The following NR3C1 variants were observed in gnomAD, a reference collection of about 807,000 sequenced individuals.
NR3C1 encodes the protein nuclear receptor subfamily 3 group C member 1, also known as glucocorticoid receptor.
Under a neutral mutation model 74.0 loss-of-function variants are expected in NR3C1, and 14 were observed. The ratio of observed to expected loss-of-function variants is 0.19; its 90% CI spans 0.12 to 0.30. NR3C1 has a LOEUF of 0.30. Ranked by LOEUF, NR3C1 falls within the 10% of genes least tolerant of loss-of-function variation. NR3C1 has a pLI of 1.00. For missense variants in NR3C1, 695 were observed against 909.8 expected (o/e 0.76, Z 3.04); for synonymous variants, 308 against 332.5 (o/e 0.93, Z 0.80).
intron 1 of NR3C1, among the ~76,000 whole-genome samples, chr5:143,411,729 A>G (rs1319228074): frequency 2.6e-5 from 4 of 152,206 alleles, no homozygotes; most frequent in African/African-American, 9.6e-5. Flanking sequence ...TGTAAAAATT[A>G]TAAAACACAT....
chr5:143,357,139 T>G (rs1312565077), intron 2 of NR3C1, among the ~76,000 whole-genome samples: 1 of 152,202 alleles, frequency 6.6e-6, no homozygotes, highest in Non-Finnish European at 1.5e-5. Flanking sequence ...TGTAAATAGG[T>G]TGAAAGTTAC....
intron 2 of NR3C1, among the ~76,000 whole-genome samples, chr5:143,337,346 T>C (rs930826875): frequency 1.3e-5 from 2 of 152,184 alleles, no homozygotes; most frequent in Non-Finnish European, 2.9e-5. Flanking sequence ...AAATTAAACA[T>C]TTGACAATAA....
chr5:143,338,506 G>A (rs1209142308), intron 2 of NR3C1, among the ~76,000 whole-genome samples: 1 of 152,044 alleles, frequency 6.6e-6, no homozygotes, highest in African/African-American at 2.4e-5. Flanking sequence ...TGATGACACT[G>A]ACTTTGTATA....
At chr5:143,434,536 C>T in exon 1 of NR3C1, 1 of 985,364 alleles carries the variant, frequency 1.0e-6, no homozygotes, top group African/African-American at 1.7e-5. Flanking sequence ...ACCTACCTTC[C>T]TTCTCAGACA....
chr5:143,401,913 G>C (rs1450209414), intron 1 of NR3C1, among the ~76,000 whole-genome samples: 1 of 152,192 alleles, frequency 6.6e-6, no homozygotes, highest in African/African-American at 2.4e-5. Flanking sequence ...ATTCTCAAGA[G>C]AGTAAGACTG....
At chr5:143,299,376 T>C (rs1818005497) in intron 5 of NR3C1, among the ~76,000 whole-genome samples, 1 of 149,992 alleles carries the variant, frequency 6.7e-6, no homozygotes, top group African/African-American at 2.4e-5. Flanking sequence ...TTTTGTCACC[T>C]CTGTCTGCTT....
chr5:143,293,529 TA>T (rs1397550954), intron 7 of NR3C1, among the ~76,000 whole-genome samples: 2 of 152,170 alleles, frequency 1.3e-5, no homozygotes, highest in African/African-American at 4.8e-5. Context: ...GAAATCATTT[TA>T]AAAAAGATTA....
chr5:143,393,634 C>T (rs530856869), intron 2 of NR3C1, among the ~76,000 whole-genome samples: 3 of 152,082 alleles, frequency 2.0e-5, no homozygotes, highest in South Asian at 4.2e-4. Flanking sequence ...AACATTAAAA[C>T]GATAACATAA....
At chr5:143,363,578 A>G (rs1832669761) in intron 2 of NR3C1, among the ~76,000 whole-genome samples, 2 of 48,656 alleles carry the variant, frequency 4.1e-5, no homozygotes, top group South Asian at 6.3e-4. Flanking sequence ...ATCTCCAAAA[A>G]AATAAAAAAA....
chr5:143,419,051 G>C (rs965555979), intron 1 of NR3C1, among the ~76,000 whole-genome samples: 2 of 152,138 alleles, frequency 1.3e-5, no homozygotes, highest in African/African-American at 2.4e-5. Context: ...AAAGCTTTTT[G>C]AGTGCTATCA....
chr5:143,337,616 A>T (rs1019017197), intron 2 of NR3C1, among the ~76,000 whole-genome samples: 5 of 152,256 alleles, frequency 3.3e-5, no homozygotes, highest in Non-Finnish European at 7.3e-5. Flanking sequence ...AAACATCCAT[A>T]TATCTTATCT....
At chr5:143,344,382 G>A (rs1828821575) in intron 2 of NR3C1, among the ~76,000 whole-genome samples, 1 of 152,064 alleles carries the variant, frequency 6.6e-6, no homozygotes, top group Admixed American at 6.6e-5. Flanking sequence ...TAGTTATTAT[G>A]GTCTAAGTAC....
chr5:143,384,389 T>C (rs1019449511), intron 2 of NR3C1, among the ~76,000 whole-genome samples: 4 of 152,190 alleles, frequency 2.6e-5, no homozygotes, highest in Non-Finnish European at 5.9e-5. Flanking sequence ...TCCCCGGAAG[T>C]CTTAACTCCT....
At chr5:143,425,570 C>T (rs1751486086) in intron 1 of NR3C1, among the ~76,000 whole-genome samples, 2 of 152,000 alleles carry the variant, frequency 1.3e-5, no homozygotes, top group Non-Finnish European at 1.5e-5. Flanking sequence ...GGCAAATGAC[C>T]TGATAGTTCT....
At chr5:143,322,765 C>T (rs1014104642) in intron 2 of NR3C1, among the ~76,000 whole-genome samples, 2 of 152,284 alleles carry the variant, frequency 1.3e-5, no homozygotes, top group East Asian at 3.9e-4. Context: ...CCACATTACC[C>T]CTTTCCTTCC....
intron 2 of NR3C1, among the ~76,000 whole-genome samples, chr5:143,371,192 A>T (rs1361065394): frequency 2.6e-5 from 4 of 152,232 alleles, no homozygotes; most frequent in Non-Finnish European, 5.9e-5. Context: ...CTATAATATT[A>T]GGTGGCTCCC....
intron 2 of NR3C1, among the ~76,000 whole-genome samples, chr5:143,338,429 C>T (rs745843601): frequency 4.0e-5 from 6 of 151,034 alleles, no homozygotes; most frequent in East Asian, 1.9e-4. Flanking sequence ...TCACAGAAAA[C>T]GACAGCTCTG....
intron 1 of NR3C1, 43 bp downstream of exon 1, chr5:143,403,168 G>A: frequency 2.0e-6 from 2 of 984,132 alleles, no homozygotes; most frequent in Non-Finnish European, 2.4e-6. Flanking sequence ...CGGCACCTCG[G>A]GGGAGCGAGC....
intron 2 of NR3C1, among the ~76,000 whole-genome samples, chr5:143,354,922 CAAA>C (rs60607518): frequency 2.0e-5 from 1 of 48,952 alleles, no homozygotes; most frequent in Non-Finnish European, 4.3e-5. Flanking sequence ...AAGTCCGTCT[CAAA>C]AAAAAAAAAA....
Sources: allele counts gnomAD v4.1 joint callset (sites outside exome capture counted in the v4.1 genomes callset), GRCh38; gene constraint gnomAD v4.1.1; transcripts MANE v1.5; gene names NCBI Gene and HGNC (gene_info 2026-07-23, HGNC 2026-07-21).